The following SLC12A3 variants were observed in gnomAD, a reference collection of about 807,000 sequenced individuals.
SLC12A3 encodes the protein Na-Cl cotransporter.
SLC12A3 carries 104 observed loss-of-function variants against 121.0 expected under a neutral mutation model. The observed-to-expected ratio is 0.86, with a 90% CI of 0.73 to 1.01. SLC12A3 has a LOEUF of 1.01. Ranked by LOEUF, SLC12A3 falls within the 50% of genes least tolerant of loss-of-function variation. The pLI is 0.00. For synonymous variants in SLC12A3, 536 were observed against 533.4 expected (o/e 1.00, Z -0.07); for missense variants, 1,328 against 1,356.3 (o/e 0.98, Z 0.33).
intron 25 of SLC12A3, among the ~76,000 whole-genome samples, chr16:56,912,798 C>T (rs537894536): frequency 3.9e-5 from 6 of 152,068 alleles, no homozygotes; most frequent in Non-Finnish European, 8.8e-5. Context: ...GAGGCGTGGG[C>T]GGCCTGCCCT....
rs778660543 is a variant in SLC12A3 at position 56,887,974 on chromosome 16, A to G, written c.2228A>G (p.Lys743Arg). Residue 743 changes from lysine (K) to arginine (R), a missense_variant, in exon 18 of 26, where the codon AAG becomes AGG. Coordinates refer to ENST00000563236, the MANE Select transcript of SLC12A3 (RefSeq NM_001126108.2). ...MKPNILVVGF[K>R]KNWQSAHPAT... The stretch of plus-strand genomic sequence containing the variant: ...CCCAACATTCTGGTGGTTGGGTTCA[A>G]GAAGAACTGGCAGTCGGCTCACCCG... 5 of 1,612,658 alleles carry G rather than the reference A, an allele frequency of 3.1e-6. No individual in the cohort carries two copies. The African/African-American group carries it at 5.3e-5, about 17-fold the overall frequency.
rs755986744 is a variant in SLC12A3 at position 56,877,483 on chromosome 16, A to C, written c.1096-594A>C. On this transcript the variant is annotated intron_variant, in intron 8 of 25. Transcript: ENST00000563236. Reference sequence around the variant, plus strand: ...TTTATTTCTTAGAACGGAAGGAGAAAATTTGGGGTGTATCCTATTTATGGT... The same window carrying C: ...TTTATTTCTTAGAACGGAAGGAGAACATTTGGGGTGTATCCTATTTATGGT... Among the ~76,000 whole-genome samples the C allele has an allele frequency of 1.7e-4, 26 of 152,222 alleles. 1 individual carries two copies. Among genetic ancestry groups the C allele is most frequent in the Non-Finnish European group, 3.7e-4 (25 of 68,040 alleles).
At chr16:56,884,944 T>C (rs1421755794) in intron 14 of SLC12A3, among the ~76,000 whole-genome samples, 2 of 152,162 alleles carry the variant, frequency 1.3e-5, no homozygotes, top group Non-Finnish European at 2.9e-5. Flanking sequence ...CTTTTGTATT[T>C]TTAGTAGAGA....
Position 56,904,711 on chromosome 16 carries a change from TG to T in SLC12A3, c.2924+250del, listed in dbSNP as rs1384016962. 3.7e-5 allele frequency: 18 copies of T among 490,084 alleles called. No homozygotes were observed. The East Asian group carries it at 4.3e-4, about 12-fold the overall frequency. The allele number at this position is 490,084 out of a possible 1,614,324, so 30.4% of individuals were successfully genotyped here. ...GTCCCAGGCATCAGTGACCTCCCCT[TG>T]CCATTGCTTTTTCCTGTTGGCTGCC... On this transcript the variant is annotated intron_variant, in intron 25 of 25. Coordinates refer to ENST00000563236, the MANE Select transcript of SLC12A3 (RefSeq NM_001126108.2).
intron 8 of SLC12A3, among the ~76,000 whole-genome samples, chr16:56,875,425 G>A (rs979737071): frequency 1.3e-5 from 2 of 152,150 alleles, no homozygotes; most frequent in Non-Finnish European, 2.9e-5. Context: ...AGGGCTTCTT[G>A]TTATCATTGT....
Position 56,886,943 on chromosome 16 carries a change from C to T in SLC12A3, c.2038-10C>T, listed in dbSNP as rs368808994. The T allele has an allele frequency of 4.3e-6, 7 of 1,613,440 alleles. No homozygotes were observed. The highest frequency in any genetic ancestry group is 5.9e-6 in the Non-Finnish European group (7 of 1,179,942). On this transcript the variant is annotated splice_polypyrimidine_tract_variant and intron_variant, in intron 16 of 25. Coordinates refer to ENST00000563236, the MANE Select transcript of SLC12A3 (RefSeq NM_001126108.2). ...CAGCTGGTGATGTCCCCTGCCCCTC[C>T]CACCCACAGGGACCCCACAAGCAGA...
intron 1 of SLC12A3, among the ~76,000 whole-genome samples, chr16:56,866,694 C>T (rs1460176451): frequency 6.6e-6 from 1 of 152,196 alleles, no homozygotes; most frequent in African/African-American, 2.4e-5. Context: ...GCAACCTCCA[C>T]CTCCTGGCTT....
At position 56,892,157 on chromosome 16, in the gene SLC12A3, G is replaced by A. The variant is rs754322406; in HGVS notation, c.2419+24G>A. ...AGGTGCCAGGCCATCAGTCTCTGGC[G>A]CTTGTCAGTGTTCCCACTCAGAGCT... On this transcript the variant is annotated intron_variant, in intron 20 of 25. Coordinates refer to ENST00000563236, the MANE Select transcript of SLC12A3 (RefSeq NM_001126108.2). 1.7e-5 allele frequency: 27 copies of A among 1,611,672 alleles called. 1 individual carries two copies. The highest frequency in any genetic ancestry group is 5.3e-5 in the African/African-American group (4 of 74,862).
intron 19 of SLC12A3, 91 bp downstream of exon 19, chr16:56,890,447 GT>G: frequency 1.9e-6 from 2 of 1,069,558 alleles, no homozygotes; most frequent in Non-Finnish European, 2.8e-6. Flanking sequence ...GAAATAAAAG[GT>G]TACAGACTCA....
intron 23 of SLC12A3, 138 bp downstream of exon 23, chr16:56,899,754 C>A: frequency 1.4e-6 from 1 of 722,684 alleles, no homozygotes; most frequent in Non-Finnish European, 2.5e-6. Flanking sequence ...TGTCAGAGGG[C>A]ACAACTTCTG....
chr16:56,869,996 G>T (rs866542550), intron 4 of SLC12A3, 100 bp from the exon 5 acceptor site: 1 of 1,502,396 alleles, frequency 6.7e-7, no homozygotes, highest in Non-Finnish European at 9.2e-7. Flanking sequence ...CTCCTGCCCC[G>T]TGGGTCCTGT....
At chr16:56,871,812 T>G (rs2055100845) in intron 6 of SLC12A3, among the ~76,000 whole-genome samples, 1 of 152,122 alleles carries the variant, frequency 6.6e-6, no homozygotes, top group Non-Finnish European at 1.5e-5. Flanking sequence ...AACCTCCGCC[T>G]CCTCGTCTCA....
Position 56,913,993 on chromosome 16 carries a change from A to G in SLC12A3, c.*588A>G, listed in dbSNP as rs1333926151. The G allele has an allele frequency of 1.3e-5, 2 of 152,100 alleles. No individual in the cohort carries two copies. The highest frequency in any genetic ancestry group is 2.9e-5 in the Non-Finnish European group (2 of 68,112). 9.4% of individuals were successfully genotyped at this position (152,100 alleles called of 1,614,324 possible). On this transcript the variant is annotated 3_prime_UTR_variant, in exon 26 of 26. Coordinates refer to ENST00000563236, the MANE Select transcript of SLC12A3 (RefSeq NM_001126108.2). ...AATGGCATGATCTCAGGTCACTGCA[A>G]CCTCCTCCCGGGTTCAAGCATTTCT...
At chr16:56,868,633 CAG>C (rs1478845304) in intron 3 of SLC12A3, among the ~76,000 whole-genome samples, 5 of 152,228 alleles carry the variant, frequency 3.3e-5, no homozygotes, top group Non-Finnish European at 7.3e-5. Context: ...CTTAACCTCT[CAG>C]AGCCCATTTC....
At position 56,890,360 on chromosome 16, in the gene SLC12A3, A is replaced by G. The variant is rs1165584909; in HGVS notation, c.2368+4A>G. On this transcript the variant is annotated splice_donor_region_variant and intron_variant, in intron 19 of 25. Transcript: ENST00000563236. The stretch of plus-strand genomic sequence containing the variant: ...TCCAAGATGATGCAGGCGCACAGTG[A>G]GTACATGCCCCACCCACTCCCAGAA... 1 of 1,612,894 alleles carries G rather than the reference A, an allele frequency of 6.2e-7. No individual in the cohort carries two copies. The highest frequency in any genetic ancestry group is 8.5e-7 in the Non-Finnish European group (1 of 1,178,846).
chr16:56,913,327 C>T lies in SLC12A3; in HGVS notation c.2988C>T (p.Thr996=), dbSNP rs1567452827. The T allele has an allele frequency of 6.2e-7, 1 of 1,614,136 alleles. No homozygotes were observed. Among genetic ancestry groups the T allele is most frequent in the East Asian group, 2.2e-5 (1 of 44,884 alleles). Residue 996 remains threonine (T), a synonymous_variant, in exon 26 of 26, where the codon ACC becomes ACT. Transcript: ENST00000563236. ...CGCTGTACATGGCCTGGCTGGAGAC[C>T]CTGTCCCAGGACCTCAGACCTCCAG... ...PSSLYMAWLE[T]LSQDLRPPVI...
At position 56,902,375 on chromosome 16, in the gene SLC12A3, C is replaced by T. The variant is rs2144766577; in HGVS notation, c.2723C>T (p.Thr908Ile). The change falls in exon 24 of 26, where the codon ACC becomes ATC. Residue 908 changes from threonine to isoleucine, a missense_variant and splice_region_variant. Physicochemically the swap from Thr to Ile is moderately conservative, Grantham distance 89 (BLOSUM62 -1). Coordinates refer to ENST00000563236, the MANE Select transcript of SLC12A3 (RefSeq NM_001126108.2). ...TCAACCCACTTTCTCGTCCCCAGCA[C>T]CAAGAGGTTTGAGGACATGATTGCA... ...DINQNPRAEH[T>I]KRFEDMIAPF... is the part of the protein sequence containing the mutation. 1 of 1,614,142 alleles carries T rather than the reference C, an allele frequency of 6.2e-7. No homozygotes were observed. The highest frequency in any genetic ancestry group is 8.5e-7 in the Non-Finnish European group (1 of 1,180,024).
rs756491433 is a variant in SLC12A3 at position 56,888,042 on chromosome 16, G to A, written c.2285+11G>A. 18 of 1,586,586 alleles carry A rather than the reference G, an allele frequency of 1.1e-5. No individual in the cohort carries two copies. The highest frequency in any genetic ancestry group is 1.5e-5 in the Non-Finnish European group (17 of 1,156,488). The stretch of plus-strand genomic sequence containing the variant: ...CATTGGCATCCTCCAGTGAGTCGGG[G>A]GAGAGGAAGGGGCTTGGGGTCTGTT... On this transcript the variant is annotated intron_variant, in intron 18 of 25. Coordinates refer to ENST00000563236, the MANE Select transcript of SLC12A3 (RefSeq NM_001126108.2).
chr16:56,908,657 C>T (rs1003935701), intron 25 of SLC12A3, among the ~76,000 whole-genome samples: 1 of 152,174 alleles, frequency 6.6e-6, no homozygotes, highest in Non-Finnish European at 1.5e-5. Context: ...CTGCCCAGAA[C>T]AATGCTTCCT....
Sources: gnomAD v4.1 joint callset for allele counts (sites outside exome capture counted in the v4.1 genomes callset) on GRCh38, gnomAD v4.1.1 for gene constraint, MANE v1.5 for transcripts, NCBI Gene and HGNC (gene_info 2026-07-23, HGNC 2026-07-21) for gene names.